The following TRIM38 variants were observed in gnomAD, a reference collection of about 807,000 sequenced individuals.
The protein encoded by TRIM38 is E3 ubiquitin-protein ligase TRIM38.
TRIM38 carries 35 observed loss-of-function variants against 35.8 expected under a neutral mutation model. The ratio of observed to expected loss-of-function variants is 0.98; its 90% CI spans 0.75 to 1.30. The LOEUF (loss-of-function observed/expected upper bound fraction) is 1.30. TRIM38 is among the 50% of genes most tolerant of loss of function. The pLI is 0.00. For missense variants in TRIM38, 545 were observed against 556.9 expected (o/e 0.98, Z 0.21); for synonymous variants, 198 against 204.7 (o/e 0.97, Z 0.28).
intron 7 of TRIM38, among the ~76,000 whole-genome samples, chr6:25,980,009 G>C (rs888248114): frequency 6.6e-6 from 1 of 152,052 alleles, no homozygotes; most frequent in South Asian, 2.1e-4. Context: ...ATTGAGGCTA[G>C]AGAAAATGAT....
At chr6:25,973,512 T>A in intron 7 of TRIM38, 5 of 984,802 alleles carry the variant, frequency 5.1e-6, no homozygotes, top group Non-Finnish European at 6.0e-6. Context: ...TTCTTTCACT[T>A]ATTAGCCATG....
chr6:25,963,856 T>C lies in TRIM38; in HGVS notation c.-189+574T>C, dbSNP rs1759929258. On this transcript the variant is annotated intron_variant, in intron 2 of 7. Transcript: ENST00000357085. ...TAGGCACCCCTCTCTGCAGAAGAGG[T>C]ATTCACTATTCTCCTTTCTCTTTCT... Among the ~76,000 whole-genome samples the C allele has an allele frequency of 3.3e-5, 5 of 152,104 alleles. 1 individual carries two copies. The South Asian group carries it at 1.0e-3, about 32-fold the overall frequency.
chr6:25,973,335 G>A, intron 7 of TRIM38, 50 bp downstream of exon 7: 2 of 1,588,554 alleles, frequency 1.3e-6, no homozygotes, highest in Non-Finnish European at 1.7e-6. Context: ...GGGGCCTTAT[G>A]CAGTAACCAA....
At chr6:25,965,843 C>T (rs1760018189) in intron 2 of TRIM38, among the ~76,000 whole-genome samples, 1 of 151,710 alleles carries the variant, frequency 6.6e-6, no homozygotes, top group Non-Finnish European at 1.5e-5. Flanking sequence ...ATCGCTTGAA[C>T]CCGGGAGGCG....
chr6:25,990,038 A>G lies in TRIM38; in HGVS notation c.*6351A>G, dbSNP rs1353375791. On this transcript the variant is annotated 3_prime_UTR_variant, in exon 8 of 8. Transcript: ENST00000357085. ...TTTTTTTTTCTTTCTTCCTTTTTAG[A>G]TACAGGGTCTCACTATGTTGCCCAG... 6.9e-6 allele frequency: 1 copy of G among 144,626 alleles called. No homozygotes were observed. Among genetic ancestry groups the G allele is most frequent in the African/African-American group, 2.6e-5 (1 of 39,072 alleles). 9.0% of individuals were successfully genotyped at this position (144,626 alleles called of 1,614,324 possible).
In TRIM38 at chr6:25,983,917, G is replaced by A. The variant is rs966397478; in HGVS notation, c.*230G>A. ...GCAAAGCAAGATAATAGTGATGATC[G>A]TATGTTGCTGTCTCCATCCGTCTTT... On this transcript the variant is annotated 3_prime_UTR_variant, in exon 8 of 8. Coordinates refer to ENST00000357085, the MANE Select transcript of TRIM38 (RefSeq NM_006355.5). 251 of 455,430 alleles carry A rather than the reference G, an allele frequency of 5.5e-4. 1 individual carries two copies. The highest frequency in any genetic ancestry group is 9.2e-4 in the Admixed American group (23 of 24,898). 28.2% of individuals were successfully genotyped at this position (455,430 alleles called of 1,614,324 possible). A position where few individuals can be genotyped will look rare whatever the true frequency, so the allele number is the denominator to read the frequency against.
intron 7 of TRIM38, among the ~76,000 whole-genome samples, chr6:25,976,228 T>C (rs185411732): frequency 1.6e-4 from 25 of 152,210 alleles, no homozygotes; most frequent in Non-Finnish European, 3.1e-4. Flanking sequence ...TAGAAACCAC[T>C]CTCTCACCAT....
At chr6:25,982,060 C>T (rs189160353) in intron 7 of TRIM38, among the ~76,000 whole-genome samples, 26 of 152,224 alleles carry the variant, frequency 1.7e-4, no homozygotes, top group African/African-American at 4.6e-4. Flanking sequence ...CAAAACCCCT[C>T]GTGGCCTTTG....
rs754224236 is a variant in TRIM38, at chr6:25,983,313, T to C, written c.1024T>C (p.Phe342Leu). The C allele has an allele frequency of 3.1e-6, 5 of 1,614,126 alleles. No individual in the cohort carries two copies. The Admixed American group carries it at 6.7e-5, about 22-fold the overall frequency. Residue 342 changes from phenylalanine to leucine, a missense_variant, in exon 8 of 8, where the codon TTC (phenylalanine) becomes CTC (leucine). Physicochemically the swap from Phe to Leu is conservative, Grantham distance 22. Coordinates refer to ENST00000357085, the MANE Select transcript of TRIM38 (RefSeq NM_006355.5). ...CCCCTGTGTCTTGGGTTGTGAAGGC[T>C]TCACCTCAGGAAGACGTTACTTTGA... Reference protein sequence around the residue: ...AFPCVLGCEGFTSGRRYFEVD... With the variant: ...AFPCVLGCEGLTSGRRYFEVD...
In TRIM38 at chr6:25,966,349, A is replaced by T; in HGVS notation, c.-174A>T. 2 of 646,464 alleles carry T rather than the reference A, an allele frequency of 3.1e-6. No individual in the cohort carries two copies. Among genetic ancestry groups the T allele is most frequent in the South Asian group, 3.3e-5 (1 of 30,370 alleles). 40.0% of individuals were successfully genotyped at this position (646,464 alleles called of 1,614,324 possible). A position where few individuals can be genotyped will look rare whatever the true frequency, so the allele number is the denominator to read the frequency against. ...CTTCCTTTTAGGTCCTCTTTTCTTC[A>T]ATACAAAATGAGATAATAGGGGTTG... On this transcript the variant is annotated 5_prime_UTR_variant, in exon 3 of 8. Coordinates refer to ENST00000357085, the MANE Select transcript of TRIM38 (RefSeq NM_006355.5).
Position 25,987,346 on chromosome 6 carries a change from G to C in TRIM38, c.*3659G>C, listed in dbSNP as rs890074985. On this transcript the variant is annotated 3_prime_UTR_variant, in exon 8 of 8. Coordinates refer to ENST00000357085, the MANE Select transcript of TRIM38 (RefSeq NM_006355.5). ...TATCTCTCACTGTTCTGAGGTCTGAGTTGATTCTTTGTGAAGGCCCTTTCC... is the reference window on the plus strand; with the variant it reads ...TATCTCTCACTGTTCTGAGGTCTGACTTGATTCTTTGTGAAGGCCCTTTCC... 4.6e-5 allele frequency: 7 copies of C among 152,146 alleles called. No individual in the cohort carries two copies. The highest frequency in any genetic ancestry group is 1.7e-4 in the African/African-American group (7 of 41,410). 9.4% of individuals were successfully genotyped at this position (152,146 alleles called of 1,614,324 possible). A position where few individuals can be genotyped will look rare whatever the true frequency, so the allele number is the denominator to read the frequency against.
rs72231003 is a variant in TRIM38, at chr6:25,986,803, TCAA to T, written c.*3117_*3119del. ...ATCACAGATTCCTTCCAGCCACCCC[TCAA>T]TTACCCCTGGGATCCAAGAGAGCCA... is the stretch of plus-strand genomic sequence containing the variant. On this transcript the variant is annotated 3_prime_UTR_variant, in exon 8 of 8. Coordinates refer to ENST00000357085, the MANE Select transcript of TRIM38 (RefSeq NM_006355.5). 8,282 of 152,066 alleles carry T rather than the reference TCAA, an allele frequency of 0.054. 262 individuals are homozygous for T. The highest frequency in any genetic ancestry group is 0.073 in the Non-Finnish European group (4,956 of 67,988). The allele number at this position is 152,066 out of a possible 1,614,324, so 9.4% of individuals were successfully genotyped here. A position where few individuals can be genotyped will look rare whatever the true frequency, so the allele number is the denominator to read the frequency against.
At chr6:25,979,151 C>T (rs1011365105) in intron 7 of TRIM38, among the ~76,000 whole-genome samples, 10 of 151,770 alleles carry the variant, frequency 6.6e-5, no homozygotes, top group Middle Eastern at 6.9e-3. Flanking sequence ...AATACATACA[C>T]ATATAATATG....
In TRIM38 at chr6:25,973,889, T is replaced by C. The variant is rs896860075; in HGVS notation, c.874+604T>C. The C allele has an allele frequency of 6.1e-6, 6 of 984,748 alleles. No individual in the cohort carries two copies. In the African/African-American group the frequency reaches 1.0e-4, roughly 17 times the overall value. The allele number at this position is 984,748 out of a possible 1,614,324, so 61.0% of individuals were successfully genotyped here. A position where few individuals can be genotyped will look rare whatever the true frequency, so the allele number is the denominator to read the frequency against. ...TGATTTTTTAAATCAGTGCTGACTA[T>C]ACTTTCACAAATTTGTATCCGTAAG... On this transcript the variant is annotated intron_variant, in intron 7 of 7. Transcript: ENST00000357085.
At chr6:25,964,466 T>C (rs1463168239) in intron 2 of TRIM38, among the ~76,000 whole-genome samples, 1 of 152,170 alleles carries the variant, frequency 6.6e-6, no homozygotes, top group African/African-American at 2.4e-5. Flanking sequence ...ATGGTTCTCT[T>C]TGGAAAATGA....
intron 7 of TRIM38, chr6:25,975,611 C>T (rs1197319459): frequency 2.0e-6 from 2 of 982,074 alleles, no homozygotes; most frequent in Admixed American, 1.2e-4. Context: ...ATCAGTCAAA[C>T]AATATAAAGG....
chr6:25,983,502 C>G lies in TRIM38; in HGVS notation c.1213C>G (p.Leu405Val), dbSNP rs1349764041. ...TACTTCTCCCCCAACTTCCCTTCAT[C>G]TGCATGAGCAGCCCCTGCTTGTGGG... ...ALTSPPTSLH[L>V]HEQPLLVGIF... is the part of the protein sequence containing the mutation. The change falls in exon 8 of 8, where the codon CTG (leucine) becomes GTG (valine). Residue 405 changes from leucine to valine, a missense_variant. Leu to Val is a conservative substitution (Grantham distance 32). Coordinates refer to ENST00000357085, the MANE Select transcript of TRIM38 (RefSeq NM_006355.5). 3.7e-6 allele frequency: 6 copies of G among 1,614,122 alleles called. No homozygotes were observed. Among genetic ancestry groups the G allele is most frequent in the Non-Finnish European group, 5.1e-6 (6 of 1,180,034 alleles).
chr6:25,983,384 G>C lies in TRIM38; in HGVS notation c.1095G>C (p.Met365Ile). 1 of 1,614,124 alleles carries C rather than the reference G, an allele frequency of 6.2e-7. No individual in the cohort carries two copies. Among genetic ancestry groups the C allele is most frequent in the South Asian group, 1.1e-5 (1 of 91,082 alleles). ...CCGGATGGGATTTAGGAGTTTGTATGGAAAATGTGCAGAGGGGCACTGGCA... is the reference window on the plus strand; with the variant it reads ...CCGGATGGGATTTAGGAGTTTGTATCGAAAATGTGCAGAGGGGCACTGGCA... Reference protein sequence around the residue: ...EGTGWDLGVCMENVQRGTGMK... With the variant: ...EGTGWDLGVCIENVQRGTGMK... The change falls in exon 8 of 8, where the codon ATG becomes ATC. Residue 365 changes from methionine to isoleucine, a missense_variant. Physicochemically the swap from Met to Ile is conservative, Grantham distance 10 (BLOSUM62 1). Transcript: ENST00000357085.
In TRIM38 at chr6:25,983,173, C is replaced by A. The variant is rs143711869; in HGVS notation, c.884C>A (p.Thr295Asn). 1,105 of 1,579,356 alleles carry A rather than the reference C, an allele frequency of 7.0e-4. 16 individuals carry two copies. The South Asian group carries it at 0.012, about 17-fold the overall frequency. ...TTGTTTTGTTTTGCAGTTAGTGTGACTCTGGATCCAGATACAGCTCATCAC... is the reference window on the plus strand; with the variant it reads ...TTGTTTTGTTTTGCAGTTAGTGTGAATCTGGATCCAGATACAGCTCATCAC... ...KMLRSHQVSV[T>N]LDPDTAHHEL... The change falls in exon 8 of 8, where the codon ACT becomes AAT. Residue 295 changes from threonine to asparagine, a missense_variant. Physicochemically the swap from Thr to Asn is moderately conservative, Grantham distance 65. Transcript: ENST00000357085.
Sources: gnomAD v4.1 joint callset for allele counts (sites outside exome capture counted in the v4.1 genomes callset) on GRCh38, gnomAD v4.1.1 for gene constraint, MANE v1.5 for transcripts, NCBI Gene and HGNC (gene_info 2026-07-23, HGNC 2026-07-21) for gene names.